BCKDHB: variants seen among roughly 807,000 people sequenced by gnomAD.
The protein encoded by BCKDHB is 2-oxoisovalerate dehydrogenase subunit beta, mitochondrial.
Under a neutral mutation model 48.5 loss-of-function variants are expected in BCKDHB, and 41 were observed. That is an observed-to-expected ratio of 0.85 (90% CI 0.66 to 1.10). The LOEUF is 1.10. Among genes scored for constraint, BCKDHB ranks in the 50% least tolerant of loss-of-function variants. The pLI, the probability that BCKDHB is intolerant of heterozygous loss-of-function variation, is 0.00. For missense variants in BCKDHB, 496 were observed against 494.2 expected (o/e 1.00, Z -0.03); for synonymous variants, 201 against 174.8 (o/e 1.15, Z -1.18).
chr6:80,419,205 T>A, the BCKDHB span, among the ~76,000 whole-genome samples: 58,494 of 152,006 alleles, frequency 0.38, 14,036 homozygotes, highest in Non-Finnish European at 0.54. Flanking sequence ...CAAAGTGATG[T>A]GGGGAGTTGC....
chr6:80,345,946 A>AT lies in BCKDHB; in HGVS notation c.*2144dup, dbSNP rs1222319441. Reference sequence around the variant, plus strand: ...ATTTAAGAAAATAGTCATGTATGCAATTGAGAAAGTCTATAATTTATTTTA... The same window carrying AT: ...ATTTAAGAAAATAGTCATGTATGCAATTTGAGAAAGTCTATAATTTATTTTA... On this transcript the variant is annotated 3_prime_UTR_variant, in exon 10 of 10. Coordinates refer to ENST00000320393, the MANE Select transcript of BCKDHB (RefSeq NM_183050.4). The AT allele has an allele frequency of 6.6e-6, 1 of 152,224 alleles. No homozygotes were observed. The highest frequency in any genetic ancestry group is 1.5e-5 in the Non-Finnish European group (1 of 68,036). 9.4% of individuals were successfully genotyped at this position (152,224 alleles called of 1,614,324 possible). A position where few individuals can be genotyped will look rare whatever the true frequency, so the allele number is the denominator to read the frequency against.
At chr6:80,265,923 C>T (rs1777495894) in intron 8 of BCKDHB, among the ~76,000 whole-genome samples, 1 of 152,084 alleles carries the variant, frequency 6.6e-6, no homozygotes, top group Non-Finnish European at 1.5e-5. Flanking sequence ...CTTGAACTCT[C>T]ACTTTTTTAT....
the BCKDHB span, among the ~76,000 whole-genome samples, chr6:80,385,715 T>C: frequency 2.6e-5 from 4 of 152,246 alleles, no homozygotes; most frequent in African/African-American, 9.6e-5. Flanking sequence ...AAAGTCCTGG[T>C]GGGACTCTAG....
intron 3 of BCKDHB, among the ~76,000 whole-genome samples, chr6:80,134,605 G>GT (rs1362343029): frequency 6.6e-6 from 1 of 152,044 alleles, no homozygotes; most frequent in Non-Finnish European, 1.5e-5. Context: ...GAGGAACACA[G>GT]TTTTTTCATG....
the BCKDHB span, among the ~76,000 whole-genome samples, chr6:80,412,767 C>T: frequency 1.3e-5 from 2 of 152,146 alleles, no homozygotes; most frequent in Non-Finnish European, 2.9e-5. Context: ...TTCTTAATTT[C>T]TGATCAACAG....
the BCKDHB span, among the ~76,000 whole-genome samples, chr6:80,397,781 G>T: frequency 6.6e-6 from 1 of 152,102 alleles, no homozygotes; most frequent in Non-Finnish European, 1.5e-5. Context: ...TCAGGAGGCT[G>T]AGGCAGGAGA....
Position 80,260,212 on chromosome 6 carries a change from G to GGTGTGT in BCKDHB, c.952-12911_952-12906dup, listed in dbSNP as rs148736682. On this transcript the variant is annotated intron_variant, in intron 8 of 9. Transcript: ENST00000320393. ...TTAGTAAAAACTGGTGGTAATGGTG[G>GGTGTGT]GTGTGTGTGTGTGTGTGGGGTAATA... Among the ~76,000 whole-genome samples the GGTGTGT allele has an allele frequency of 4.1e-3, 624 of 151,230 alleles. 4 individuals are homozygous for GGTGTGT. The highest frequency in any genetic ancestry group is 0.012 in the African/African-American group (484 of 41,228).
At chr6:80,164,875 T>A (rs1345108380) in intron 3 of BCKDHB, among the ~76,000 whole-genome samples, 2 of 152,192 alleles carry the variant, frequency 1.3e-5, no homozygotes, top group African/African-American at 2.4e-5. Flanking sequence ...GAGGAAGTCA[T>A]CAATATTGTG....
chr6:80,317,649 G>C (rs576039369), intron 9 of BCKDHB, among the ~76,000 whole-genome samples: 60 of 152,266 alleles, frequency 3.9e-4, no homozygotes, highest in African/African-American at 1.3e-3. Flanking sequence ...AGTCCCTTTT[G>C]CCATGTAAGG....
At chr6:80,116,811 A>G (rs1769727819) in intron 1 of BCKDHB, among the ~76,000 whole-genome samples, 1 of 152,216 alleles carries the variant, frequency 6.6e-6, no homozygotes, top group African/African-American at 2.4e-5. Context: ...GTGTGATTGC[A>G]TAATTAGGTA....
At chr6:80,370,962 A>G in the BCKDHB span, among the ~76,000 whole-genome samples, 1 of 152,048 alleles carries the variant, frequency 6.6e-6, no homozygotes, top group Non-Finnish European at 1.5e-5. Context: ...ATGCTCAAAT[A>G]TCTTTTTCAT....
intron 9 of BCKDHB, among the ~76,000 whole-genome samples, chr6:80,341,718 CAAAG>C (rs1346473319): frequency 2.0e-5 from 3 of 152,122 alleles, no homozygotes; most frequent in Non-Finnish European, 4.4e-5. Flanking sequence ...GGTATAAAAT[CAAAG>C]ACGTTTAGTA....
the BCKDHB span, among the ~76,000 whole-genome samples, chr6:80,395,754 C>G: frequency 6.6e-6 from 1 of 152,152 alleles, no homozygotes; most frequent in Non-Finnish European, 1.5e-5. Context: ...TGCAGCCCCT[C>G]TCATCACATG....
chr6:80,374,681 A>G, the BCKDHB span: 20 of 388,070 alleles, frequency 5.2e-5, no homozygotes, highest in Non-Finnish European at 8.1e-5. Flanking sequence ...GTACTATTCT[A>G]TTCACCATGC....
chr6:80,460,592 T>A, the BCKDHB span, among the ~76,000 whole-genome samples: 1 of 152,152 alleles, frequency 6.6e-6, no homozygotes, highest in East Asian at 1.9e-4. Flanking sequence ...TTTAGGTTTA[T>A]CCTCAAAACA....
chr6:80,460,071 A>G, the BCKDHB span, among the ~76,000 whole-genome samples: 73 of 152,286 alleles, frequency 4.8e-4, 1 homozygote, highest in African/African-American at 1.7e-3. Flanking sequence ...AATGGCTTCC[A>G]TATTAGAAAA....
intron 9 of BCKDHB, among the ~76,000 whole-genome samples, chr6:80,322,896 C>CTTTTTTTTTT (rs34177726): frequency 8.7e-6 from 1 of 115,566 alleles, no homozygotes; most frequent in African/African-American, 3.2e-5. Flanking sequence ...TTTCTTTTTT[C>CTTTTTTTTTT]TTTTTTTTTT....
intron 3 of BCKDHB, among the ~76,000 whole-genome samples, chr6:80,166,484 C>T (rs1016901214): frequency 1.3e-5 from 2 of 151,838 alleles, no homozygotes; most frequent in Non-Finnish European, 2.9e-5. Flanking sequence ...GGTGAAACCC[C>T]GTCTTTCCTA....
chr6:80,434,368 A>T, the BCKDHB span, among the ~76,000 whole-genome samples: 3 of 151,438 alleles, frequency 2.0e-5, no homozygotes, highest in African/African-American at 7.3e-5. Context: ...ATACTCTACA[A>T]AGTAGAGTAT....
Sources: allele counts gnomAD v4.1 joint callset (sites outside exome capture counted in the v4.1 genomes callset), GRCh38; gene constraint gnomAD v4.1.1; transcripts MANE v1.5; gene names NCBI Gene and HGNC (gene_info 2026-07-23, HGNC 2026-07-21).